RAB3C: variants seen among roughly 807,000 people sequenced by gnomAD.
The protein encoded by RAB3C is RAB3C, member RAS oncogene family.
In RAB3C, 17 loss-of-function variants were observed where a neutral mutation model predicts 26.4. That is an observed-to-expected ratio of 0.64 (90% CI 0.44 to 0.97). The LOEUF (loss-of-function observed/expected upper bound fraction) is 0.97, where lower values mean the gene tolerates loss of function less well. Among genes scored for constraint, RAB3C ranks in the 50% least tolerant of loss-of-function variants. RAB3C has a pLI of 0.00. For synonymous variants in RAB3C, 91 were observed against 95.9 expected (o/e 0.95, Z 0.30); for missense variants, 242 against 281.9 (o/e 0.86, Z 1.01).
intron 3 of RAB3C, among the ~76,000 whole-genome samples, chr5:58,739,571 CACA>C (rs1741232142): frequency 6.6e-6 from 1 of 152,012 alleles, no homozygotes; most frequent in African/African-American, 2.4e-5. Context: ...GAAAAAACAG[CACA>C]ACATTAGACA....
intron 3 of RAB3C, among the ~76,000 whole-genome samples, chr5:58,759,710 G>A (rs1185365860): frequency 6.6e-6 from 1 of 152,148 alleles, no homozygotes; most frequent in African/African-American, 2.4e-5. Flanking sequence ...TAGATGAGTT[G>A]TAAAGCACAT....
At chr5:58,692,606 A>G (rs539363933) in intron 2 of RAB3C, among the ~76,000 whole-genome samples, 9 of 152,226 alleles carry the variant, frequency 5.9e-5, no homozygotes, top group African/African-American at 2.2e-4. Flanking sequence ...CTTCATTCAA[A>G]TAGAAGTAAG....
chr5:58,603,351 T>A (rs1359633689), intron 1 of RAB3C, among the ~76,000 whole-genome samples: 1 of 152,198 alleles, frequency 6.6e-6, no homozygotes, highest in African/African-American at 2.4e-5. Context: ...TGTATTTGAA[T>A]GTCTAGATCT....
intron 3 of RAB3C, among the ~76,000 whole-genome samples, chr5:58,771,168 T>C (rs1033564228): frequency 6.6e-6 from 1 of 152,102 alleles, no homozygotes; most frequent in Non-Finnish European, 1.5e-5. Flanking sequence ...AGGAAAACCA[T>C]GAGTAAGCTA....
intron 2 of RAB3C, among the ~76,000 whole-genome samples, chr5:58,706,513 T>C (rs1748946160): frequency 6.6e-6 from 1 of 152,164 alleles, no homozygotes; most frequent in Admixed American, 6.6e-5. Context: ...TCCTTAGAAG[T>C]TTTCATCTAG....
At chr5:58,847,648 G>A (rs867976922) in intron 4 of RAB3C, among the ~76,000 whole-genome samples, 3 of 152,102 alleles carry the variant, frequency 2.0e-5, no homozygotes, top group African/African-American at 7.2e-5. Context: ...TCATACACAG[G>A]TGATTGAATG....
chr5:58,778,071 TG>T lies in RAB3C; in HGVS notation c.372-46965del, dbSNP rs577929372. 7.0e-4 allele frequency among the ~76,000 whole-genome samples: 106 copies of T among 152,256 alleles called. 1 individual carries two copies. The highest frequency in any genetic ancestry group is 2.4e-3 in the African/African-American group (99 of 41,548). ...TTGATGAATACATGTATCACTATAA[TG>T]GAAATTAGAACACTATATTTTTATT... On this transcript the variant is annotated intron_variant, in intron 3 of 4. Transcript: ENST00000282878.
At chr5:58,612,502 G>A (rs1481626406) in intron 1 of RAB3C, among the ~76,000 whole-genome samples, 2 of 56,346 alleles carry the variant, frequency 3.5e-5, no homozygotes, top group Non-Finnish European at 3.0e-5. Flanking sequence ...GTGTGTGTGT[G>A]TGTGTGTGTG....
At chr5:58,614,227 T>C (rs1746775322) in intron 1 of RAB3C, among the ~76,000 whole-genome samples, 1 of 152,102 alleles carries the variant, frequency 6.6e-6, no homozygotes, top group Non-Finnish European at 1.5e-5. Context: ...TTGAGAATGT[T>C]CACATGACTT....
intron 3 of RAB3C, among the ~76,000 whole-genome samples, chr5:58,815,550 G>T (rs534066186): frequency 6.6e-6 from 1 of 152,166 alleles, no homozygotes; most frequent in African/African-American, 2.4e-5. Flanking sequence ...CAGTGTCAGG[G>T]TATAAAAGGT....
At chr5:58,810,381 CTCTCTGTG>C (rs1743045873) in intron 3 of RAB3C, among the ~76,000 whole-genome samples, 1 of 149,556 alleles carries the variant, frequency 6.7e-6, no homozygotes. Context: ...CTCTCTCTCT[CTCTCTGTG>C]TGTGTGTGTG....
chr5:58,657,817 A>G (rs1399712391), intron 2 of RAB3C, among the ~76,000 whole-genome samples: 1 of 152,176 alleles, frequency 6.6e-6, no homozygotes, highest in Non-Finnish European at 1.5e-5. Context: ...CCCCCCTAAA[A>G]CTGCTGTTGT....
chr5:58,621,076 ACCAAGCAGTGAACTGCTCTTC>A (rs753500308), intron 2 of RAB3C, among the ~76,000 whole-genome samples: 3 of 152,252 alleles, frequency 2.0e-5, no homozygotes, highest in African/African-American at 4.8e-5. Flanking sequence ...TGCTTTAATA[ACCAAGCAGTGAACTGCTCTTC>A]CCAACTTATA....
intron 3 of RAB3C, among the ~76,000 whole-genome samples, chr5:58,760,565 A>G (rs1000838198): frequency 8.5e-5 from 13 of 152,306 alleles, no homozygotes; most frequent in African/African-American, 3.1e-4. Flanking sequence ...TATCACCCCA[A>G]AATCAAGTGC....
intron 2 of RAB3C, among the ~76,000 whole-genome samples, chr5:58,633,895 G>A (rs985606765): frequency 6.6e-6 from 1 of 152,060 alleles, no homozygotes. Flanking sequence ...CACTTTGGGA[G>A]GCCGAGGTGG....
At chr5:58,675,535 G>A (rs543742421) in intron 2 of RAB3C, among the ~76,000 whole-genome samples, 1 of 151,972 alleles carries the variant, frequency 6.6e-6, no homozygotes, top group African/African-American at 2.4e-5. Flanking sequence ...CATAGCAACT[G>A]GGAGTCACAG....
Position 58,583,119 on chromosome 5 carries a change from TGTGGAGC to T in RAB3C, c.-81_-75del. 6.2e-7 allele frequency: 1 copy of T among 1,603,106 alleles called. No homozygotes were observed. Among genetic ancestry groups the T allele is most frequent in the Admixed American group, 1.7e-5 (1 of 58,292 alleles). ...GTTAGCGAACCCCAAGAGTGCAGAG[TGTGGAGC>T]GTGGAGCGCCGGGACTGTGCACGCT... On this transcript the variant is annotated 5_prime_UTR_variant, in exon 1 of 5. It introduces an in-frame stop codon into an upstream open reading frame of the 5' UTR. Coordinates refer to ENST00000282878, the MANE Select transcript of RAB3C (RefSeq NM_138453.4).
At chr5:58,837,294 G>A (rs562206156) in intron 4 of RAB3C, among the ~76,000 whole-genome samples, 2 of 151,338 alleles carry the variant, frequency 1.3e-5, no homozygotes, top group East Asian at 4.0e-4. Context: ...CAATTCTCCA[G>A]CCTCAGTCTC....
intron 2 of RAB3C, among the ~76,000 whole-genome samples, chr5:58,698,778 G>A (rs1323994655): frequency 6.6e-6 from 1 of 152,080 alleles, no homozygotes; most frequent in Non-Finnish European, 1.5e-5. Flanking sequence ...GCTCCATCAG[G>A]TCATTTAAGG....
Sources: gnomAD v4.1 joint callset for allele counts (sites outside exome capture counted in the v4.1 genomes callset) on GRCh38, gnomAD v4.1.1 for gene constraint, MANE v1.5 for transcripts, NCBI Gene and HGNC (gene_info 2026-07-23, HGNC 2026-07-21) for gene names.